CACNA2D3: variants seen among roughly 807,000 people sequenced by gnomAD.
CACNA2D3 encodes voltage-dependent calcium channel subunit alpha-2/delta-3.
Under a neutral mutation model 160.6 loss-of-function variants are expected in CACNA2D3, and 60 were observed. The observed-to-expected ratio is 0.37, with a 90% CI of 0.30 to 0.46. CACNA2D3 has a LOEUF of 0.46. Ranked by LOEUF, CACNA2D3 falls within the 20% of genes least tolerant of loss-of-function variation. CACNA2D3 has a pLI of 1.00. For missense variants in CACNA2D3, 1,205 were observed against 1,365.0 expected (o/e 0.88, Z 1.85); for synonymous variants, 558 against 492.9 (o/e 1.13, Z -1.75).
At chr3:54,550,296 G>A (rs1252314498) in intron 5 of CACNA2D3, among the ~76,000 whole-genome samples, 3 of 152,112 alleles carry the variant, frequency 2.0e-5, no homozygotes, top group South Asian at 2.1e-4. Context: ...AGGAACCCAC[G>A]TTACTCACTG....
intron 2 of CACNA2D3, among the ~76,000 whole-genome samples, chr3:54,152,305 C>T (rs375285307): frequency 3.3e-5 from 5 of 152,282 alleles, no homozygotes; most frequent in African/African-American, 7.2e-5. Context: ...CTGTGGATTT[C>T]GATCATTGGG....
rs930441318 is a variant in CACNA2D3, at chr3:54,476,099, T to C, written c.382-27393T>C. Reference sequence around the variant, plus strand: ...TATAAGTGAGATCATGCAGTATTTGTCTTTCTGTGCCTGGCTTGTGAAACT... The same window carrying C: ...TATAAGTGAGATCATGCAGTATTTGCCTTTCTGTGCCTGGCTTGTGAAACT... On this transcript the variant is annotated intron_variant, in intron 4 of 37. Transcript: ENST00000474759. 2.7e-5 allele frequency among the ~76,000 whole-genome samples: 4 copies of C among 150,516 alleles called. No homozygotes were observed. In the East Asian group the frequency reaches 7.8e-4, roughly 29 times the overall value.
chr3:54,933,747 G>T lies in CACNA2D3; in HGVS notation c.2449+33879G>T, dbSNP rs565769064. On this transcript the variant is annotated intron_variant, in intron 27 of 37. Transcript: ENST00000474759. ...ATTAAGTAAATATTGAATGAATAAA[G>T]ATATTACTATTACTTTTTTTTTTTT... Among the ~76,000 whole-genome samples the T allele has an allele frequency of 1.2e-4, 18 of 146,420 alleles. 1 individual carries two copies. The East Asian group carries it at 1.9e-3, about 15-fold the overall frequency.
intron 12 of CACNA2D3, among the ~76,000 whole-genome samples, chr3:54,759,663 GGTTTGAGTAGATCTTT>G (rs754773096): frequency 1.3e-5 from 2 of 152,112 alleles, no homozygotes; most frequent in Non-Finnish European, 2.9e-5. Flanking sequence ...TATAGACTGG[GGTTTGAGTAGATCTTT>G]GTTGTTGCTC....
intron 35 of CACNA2D3, among the ~76,000 whole-genome samples, chr3:55,036,529 G>A (rs778731744): frequency 9.6e-4 from 145 of 151,488 alleles, no homozygotes; most frequent in African/African-American, 3.0e-3. Flanking sequence ...GTCCAGTGGC[G>A]CGATCTTGGC....
intron 27 of CACNA2D3, among the ~76,000 whole-genome samples, chr3:54,934,558 A>G (rs1210492904): frequency 6.6e-6 from 1 of 152,164 alleles, no homozygotes; most frequent in African/African-American, 2.4e-5. Context: ...TGGGTTTGAA[A>G]TGTATGCCTC....
chr3:54,600,213 C>T (rs1703036726), intron 9 of CACNA2D3, among the ~76,000 whole-genome samples: 1 of 152,138 alleles, frequency 6.6e-6, no homozygotes, highest in African/African-American at 2.4e-5. Flanking sequence ...AAGAAACCTC[C>T]TGCAGCTTTA....
chr3:54,440,789 A>C (rs1312814203), intron 4 of CACNA2D3, among the ~76,000 whole-genome samples: 1 of 152,094 alleles, frequency 6.6e-6, no homozygotes, highest in African/African-American at 2.4e-5. Context: ...TTCCAGCTTC[A>C]TCCATGTCCC....
intron 2 of CACNA2D3, among the ~76,000 whole-genome samples, chr3:54,201,673 A>T (rs1701181796): frequency 6.6e-6 from 1 of 152,258 alleles, no homozygotes; most frequent in Non-Finnish European, 1.5e-5. Flanking sequence ...GAATGAAATT[A>T]TCGAAAGACT....
intron 13 of CACNA2D3, among the ~76,000 whole-genome samples, chr3:54,769,633 A>G (rs1702283055): frequency 6.6e-6 from 1 of 152,196 alleles, no homozygotes; most frequent in African/African-American, 2.4e-5. Flanking sequence ...TATGCATAGT[A>G]TGAATGCAAT....
At position 54,820,534 on chromosome 3, in the gene CACNA2D3, C is replaced by T. The variant is rs917622383; in HGVS notation, c.1398+3664C>T. Among the ~76,000 whole-genome samples the T allele has an allele frequency of 3.3e-5, 5 of 152,290 alleles. No homozygotes were observed. The East Asian group carries it at 9.6e-4, about 29-fold the overall frequency. ...TGATATAAAATTGGAGTGGCACTAA[C>T]TGGTGATGAACCTGATAAATATTAA... is the stretch of plus-strand genomic sequence containing the variant. On this transcript the variant is annotated intron_variant, in intron 14 of 37. Coordinates refer to ENST00000474759, the MANE Select transcript of CACNA2D3 (RefSeq NM_018398.3).
chr3:54,134,755 C>CT (rs1699786093), intron 2 of CACNA2D3, among the ~76,000 whole-genome samples: 1 of 152,214 alleles, frequency 6.6e-6, no homozygotes, highest in African/African-American at 2.4e-5. Context: ...CCTAGCTGGC[C>CT]TTCCCCCTCC....
chr3:54,732,151 A>G (rs906394063), intron 11 of CACNA2D3, among the ~76,000 whole-genome samples: 7 of 152,228 alleles, frequency 4.6e-5, no homozygotes, highest in African/African-American at 1.7e-4. Context: ...TAGAATCTTC[A>G]TCTGTTTCCT....
intron 4 of CACNA2D3, among the ~76,000 whole-genome samples, chr3:54,445,217 C>A (rs907054130): frequency 1.7e-4 from 26 of 152,332 alleles, no homozygotes; most frequent in African/African-American, 6.0e-4. Context: ...CAGCCATTGG[C>A]ACCCTGTGGA....
At chr3:54,728,531 C>G (rs1394699424) in intron 11 of CACNA2D3, among the ~76,000 whole-genome samples, 2 of 152,088 alleles carry the variant, frequency 1.3e-5, no homozygotes, top group African/African-American at 4.8e-5. Flanking sequence ...AGTCTATTAT[C>G]TCTTTCCTTT....
intron 4 of CACNA2D3, among the ~76,000 whole-genome samples, chr3:54,421,683 G>A (rs1047869102): frequency 3.9e-5 from 6 of 152,200 alleles, no homozygotes; most frequent in East Asian, 1.9e-4. Flanking sequence ...CCTGCTGCAC[G>A]GTTATCATGT....
chr3:54,372,076 A>G (rs1020747561), intron 3 of CACNA2D3, among the ~76,000 whole-genome samples: 1 of 152,236 alleles, frequency 6.6e-6, no homozygotes, highest in Non-Finnish European at 1.5e-5. Context: ...CCTGGCCCCA[A>G]GGGCCTCAGA....
chr3:54,691,046 G>A (rs1312795856), intron 11 of CACNA2D3, among the ~76,000 whole-genome samples: 3 of 152,144 alleles, frequency 2.0e-5, no homozygotes. Context: ...GCGTGTGTCT[G>A]TGTGTGTTTG....
chr3:54,298,775 T>C (rs1047038603), intron 2 of CACNA2D3, among the ~76,000 whole-genome samples: 2 of 151,704 alleles, frequency 1.3e-5, no homozygotes, highest in African/African-American at 4.8e-5. Context: ...GCCACTGCAC[T>C]CTGGCCTAGA....
Sources: allele counts gnomAD v4.1 joint callset (sites outside exome capture counted in the v4.1 genomes callset), GRCh38; gene constraint gnomAD v4.1.1; transcripts MANE v1.5; gene names NCBI Gene and HGNC (gene_info 2026-07-23, HGNC 2026-07-21).